RNF130: variants seen among roughly 807,000 people sequenced by gnomAD.
The protein encoded by RNF130 is ring finger protein 130.
A neutral mutation model predicts 44.6 loss-of-function variants in RNF130; 21 were observed. The ratio of observed to expected loss-of-function variants is 0.47; its 90% CI spans 0.33 to 0.68. The LOEUF is 0.68. RNF130 is among the 30% of genes least tolerant of loss of function. The pLI is 0.02. For missense variants in RNF130, 479 were observed against 560.6 expected (o/e 0.85, Z 1.47); for synonymous variants, 214 against 210.4 (o/e 1.02, Z -0.15).
intron 5 of RNF130, among the ~76,000 whole-genome samples, chr5:179,975,504 T>C (rs1762698819): frequency 1.3e-5 from 2 of 152,206 alleles, no homozygotes; most frequent in African/African-American, 4.8e-5. Context: ...TACCGCTTGA[T>C]GTGTAAAGTT....
At position 179,920,387 on chromosome 5, in the gene RNF130, C is replaced by T. The variant is rs1307386396; in HGVS notation, c.1190G>A (p.Ser397Asn). The stretch of plus-strand genomic sequence containing the variant: ...GGAGAATTCACTTTCATACACCAGA[C>T]TCCGAGGGGACAAGGAGTTTCGATG... The change falls in exon 8 of 8, where the codon AGT becomes AAT. Residue 397 changes from serine to asparagine, a missense_variant. Ser to Asn is a conservative substitution (Grantham distance 46, BLOSUM62 1). Coordinates refer to the RNF130 transcript ENST00000522208. 1.1e-5 allele frequency: 8 copies of T among 702,422 alleles called. No homozygotes were observed. In the East Asian group the frequency reaches 2.1e-4, roughly 19 times the overall value. 43.5% of individuals were successfully genotyped at this position (702,422 alleles called of 1,614,324 possible).
At chr5:179,967,748 G>A (rs1464220771) in intron 6 of RNF130, among the ~76,000 whole-genome samples, 2 of 152,202 alleles carry the variant, frequency 1.3e-5, no homozygotes, top group Non-Finnish European at 2.9e-5. Flanking sequence ...TGAGAAGTTT[G>A]TATGTTTATA....
chr5:179,982,839 T>C (rs1182522877), intron 3 of RNF130, among the ~76,000 whole-genome samples: 2 of 152,200 alleles, frequency 1.3e-5, no homozygotes, highest in Non-Finnish European at 1.5e-5. Flanking sequence ...TCACTTTGGC[T>C]TCCCAAAATG....
intron 2 of RNF130, among the ~76,000 whole-genome samples, chr5:180,019,376 T>C: frequency 1.4e-5 from 2 of 144,512 alleles, no homozygotes; most frequent in East Asian, 2.0e-4. Flanking sequence ...AGAGCGAGAC[T>C]CTGTCTCAAA....
intron 2 of RNF130, among the ~76,000 whole-genome samples, chr5:180,018,414 G>A (rs1763792273): frequency 6.6e-6 from 1 of 152,162 alleles, no homozygotes; most frequent in Admixed American, 6.5e-5. Context: ...CTCTTCACAG[G>A]GCAGCAGGAG....
intron 2 of RNF130, among the ~76,000 whole-genome samples, chr5:180,015,023 G>GA (rs1763685540): frequency 6.6e-6 from 1 of 152,078 alleles, no homozygotes; most frequent in Non-Finnish European, 1.5e-5. Context: ...GAGTTTTATG[G>GA]AAAATGTAAC....
downstream of RNF130, among the ~76,000 whole-genome samples, chr5:179,950,395 G>A (rs1762108458): frequency 6.6e-6 from 1 of 152,180 alleles, no homozygotes; most frequent in Non-Finnish European, 1.5e-5. Context: ...GGGATTACAG[G>A]TGTGAGCCAC....
At chr5:179,939,842 A>G (rs1761947549) in intron 7 of RNF130, 1 of 371,798 alleles carries the variant, frequency 2.7e-6, no homozygotes, top group African/African-American at 2.2e-5. Context: ...TCCCACCAAA[A>G]ATTCCCTGAA....
intron 1 of RNF130, among the ~76,000 whole-genome samples, chr5:180,070,981 AC>A (rs11359101): frequency 0.61 from 85,842 of 141,208 alleles, 25,124 homozygotes; most frequent in South Asian, 0.73. Flanking sequence ...TTCCATTTAC[AC>A]CCCCCCCCCA....
chr5:180,009,592 G>A (rs1218625971), intron 3 of RNF130, among the ~76,000 whole-genome samples: 4 of 152,216 alleles, frequency 2.6e-5, no homozygotes, highest in Non-Finnish European at 5.9e-5. Flanking sequence ...CGAGAGTGTG[G>A]AGGAACTGGA....
chr5:179,987,160 TTTCTTTC>T (rs1762973262), intron 3 of RNF130, among the ~76,000 whole-genome samples: 1 of 149,842 alleles, frequency 6.7e-6, no homozygotes, highest in Admixed American at 6.6e-5. Context: ...CCTTCCTTCC[TTTCTTTC>T]TTCTATTTTT....
intron 7 of RNF130, chr5:179,939,572 G>T: frequency 3.0e-6 from 1 of 338,042 alleles, no homozygotes; most frequent in Non-Finnish European, 5.8e-6. Flanking sequence ...TGTTTCTGCC[G>T]TTAACCATTT....
intron 3 of RNF130, 153 bp from the exon 4 acceptor site, chr5:179,980,353 G>A: frequency 1.6e-6 from 1 of 640,252 alleles, no homozygotes; most frequent in Non-Finnish European, 2.6e-6. Flanking sequence ...AAAAATGGTG[G>A]CTGTATCAAG....
At chr5:179,939,229 A>G (rs1192634588) in intron 7 of RNF130, among the ~76,000 whole-genome samples, 2 of 152,114 alleles carry the variant, frequency 1.3e-5, no homozygotes, top group Non-Finnish European at 2.9e-5. Flanking sequence ...AAATAAATAA[A>G]TAAATAAATA....
At chr5:180,025,431 T>C (rs1323228756) in intron 2 of RNF130, among the ~76,000 whole-genome samples, 2 of 152,192 alleles carry the variant, frequency 1.3e-5, no homozygotes, top group Non-Finnish European at 2.9e-5. Context: ...ACACGGAGAC[T>C]GCAAGGAAGG....
intron 1 of RNF130, among the ~76,000 whole-genome samples, chr5:180,048,978 A>G (rs1373032749): frequency 6.6e-6 from 1 of 152,250 alleles, no homozygotes; most frequent in East Asian, 1.9e-4. Context: ...TGTCACTTAA[A>G]GCATGTGGCT....
At chr5:179,981,309 G>A (rs1022060219) in intron 3 of RNF130, among the ~76,000 whole-genome samples, 5 of 152,278 alleles carry the variant, frequency 3.3e-5, no homozygotes, top group East Asian at 3.9e-4. Flanking sequence ...TCAGGGAGAC[G>A]TCACTCTAGA....
intron 2 of RNF130, among the ~76,000 whole-genome samples, chr5:180,024,899 TG>T (rs776310560): frequency 2.6e-5 from 4 of 152,170 alleles, no homozygotes; most frequent in Non-Finnish European, 5.9e-5. Context: ...AAAGCTCTCC[TG>T]GGGGTGTCTG....
chr5:179,916,761 T>C (rs1031785276), exon 8 of RNF130: 1 of 152,318 alleles, frequency 6.6e-6, no homozygotes, highest in African/African-American at 2.4e-5. Context: ...CAGGCAGCCC[T>C]GGGCAGACAT....
Sources: allele counts gnomAD v4.1 joint callset (sites outside exome capture counted in the v4.1 genomes callset), GRCh38; gene constraint gnomAD v4.1.1; transcripts MANE v1.5; gene names NCBI Gene and HGNC (gene_info 2026-07-23, HGNC 2026-07-21).